PIK3R3: variants seen among roughly 807,000 people sequenced by gnomAD.
PIK3R3 encodes phosphoinositide-3-kinase regulatory subunit 3.
PIK3R3 carries 64 observed loss-of-function variants against 62.9 expected under a neutral mutation model. That is an observed-to-expected ratio of 1.02 (90% CI 0.83 to 1.25). The LOEUF (loss-of-function observed/expected upper bound fraction) is 1.25, where lower values mean the gene tolerates loss of function less well. Among genes scored for constraint, PIK3R3 ranks in the 50% most tolerant of loss-of-function variants. The pLI, the probability that PIK3R3 is intolerant of heterozygous loss-of-function variation, is 0.00. For synonymous variants in PIK3R3, 165 were observed against 189.0 expected (o/e 0.87, Z 1.04); for missense variants, 614 against 561.6 (o/e 1.09, Z -0.94).
intron 1 of PIK3R3, among the ~76,000 whole-genome samples, chr1:46,086,629 G>A (rs765740102): frequency 1.3e-5 from 2 of 152,182 alleles, no homozygotes; most frequent in Non-Finnish European, 2.9e-5. Flanking sequence ...GACCCCGGGA[G>A]GCAGAGGTTA....
intron 1 of PIK3R3, among the ~76,000 whole-genome samples, chr1:46,104,666 C>T (rs1475715676): frequency 6.6e-6 from 1 of 152,106 alleles, no homozygotes; most frequent in Non-Finnish European, 1.5e-5. Flanking sequence ...CAGTGGCGCA[C>T]ACCTGTAATC....
intron 3 of PIK3R3, among the ~76,000 whole-genome samples, chr1:46,077,043 A>C (rs1284039368): frequency 6.6e-6 from 1 of 152,198 alleles, no homozygotes; most frequent in African/African-American, 2.4e-5. Context: ...TCATATATCC[A>C]TCACTTAAAA....
chr1:46,066,954 T>C lies in PIK3R3; in HGVS notation c.452A>G (p.Lys151Arg), dbSNP rs769590870. 15 of 1,613,654 alleles carry C rather than the reference T, an allele frequency of 9.3e-6. No homozygotes were observed. The highest frequency in any genetic ancestry group is 5.3e-5 in the African/African-American group (4 of 74,866). ...TGGGTACATCAGCTTCACATCAAGTTTGGGATTGTACTGAGCAAGAGATTC... is the reference window on the plus strand; with the variant it reads ...TGGGTACATCAGCTTCACATCAAGTCTGGGATTGTACTGAGCAAGAGATTC... The part of the protein sequence containing the change: ...HHESLAQYNP[K>R]LDVKLMYPVS... The change falls in exon 4 of 10, where the codon AAA becomes AGA. Residue 151 changes from lysine to arginine, a missense_variant. By Grantham distance (26) the Lys-to-Arg change is conservative (BLOSUM62 2). Transcript: ENST00000262741.
chr1:46,090,821 T>G (rs1182581359), intron 1 of PIK3R3, among the ~76,000 whole-genome samples: 3 of 152,186 alleles, frequency 2.0e-5, no homozygotes, highest in Non-Finnish European at 4.4e-5. Flanking sequence ...AAATTCTGCA[T>G]TTGGTATGTC....
Position 46,060,208 on chromosome 1 carries a change from C to A in PIK3R3, c.764+1721G>T, listed in dbSNP as rs1416447243. ...ATCGTTAATAATAATTATAATTAGG[C>A]CAGGCGCAGTAGCTCAAGCCTGTAA... On this transcript the variant is annotated intron_variant, in intron 6 of 9. Transcript: ENST00000262741. 3.3e-5 allele frequency among the ~76,000 whole-genome samples: 5 copies of A among 152,052 alleles called. No homozygotes were observed. The South Asian group carries it at 8.3e-4, about 25-fold the overall frequency.
intron 1 of PIK3R3, among the ~76,000 whole-genome samples, chr1:46,119,855 G>A (rs552823675): frequency 6.0e-4 from 90 of 149,390 alleles, no homozygotes; most frequent in African/African-American, 2.0e-3. Flanking sequence ...ACAGCTCAGC[G>A]CAGCCTCGAC....
upstream of PIK3R3, among the ~76,000 whole-genome samples, chr1:46,133,193 A>C (rs1655777870): frequency 1.3e-5 from 2 of 152,242 alleles, no homozygotes; most frequent in African/African-American, 4.8e-5. Context: ...CAAAGGCAGA[A>C]GGGGAAAAGA....
At chr1:46,091,053 C>T (rs1651582413) in intron 1 of PIK3R3, among the ~76,000 whole-genome samples, 2 of 151,906 alleles carry the variant, frequency 1.3e-5, no homozygotes, top group African/African-American at 4.8e-5. Flanking sequence ...TGGTCTCAAA[C>T]TCCTGGGTTC....
chr1:46,081,454 C>T (rs1385411486), intron 1 of PIK3R3, among the ~76,000 whole-genome samples: 1 of 152,148 alleles, frequency 6.6e-6, no homozygotes, highest in Non-Finnish European at 1.5e-5. Flanking sequence ...GCCTGAGCTT[C>T]GGCATTAGAT....
At chr1:46,062,931 G>A (rs1768815) in intron 5 of PIK3R3, among the ~76,000 whole-genome samples, 101,798 of 151,402 alleles carry the variant, frequency 0.67, 34,437 homozygotes, top group Non-Finnish European at 0.71. Flanking sequence ...AGACTTTAGG[G>A]GGGCACCACA....
chr1:46,123,303 G>A (rs1041311981), intron 1 of PIK3R3, among the ~76,000 whole-genome samples: 1 of 152,204 alleles, frequency 6.6e-6, no homozygotes, highest in East Asian at 1.9e-4. Context: ...TTTAAAGATG[G>A]AGGTGAGACG....
chr1:46,149,658 G>A, the PIK3R3 span, among the ~76,000 whole-genome samples: 1 of 151,942 alleles, frequency 6.6e-6, no homozygotes, highest in African/African-American at 2.4e-5. Context: ...AGCCTCCCAA[G>A]TAACTGGGAC....
chr1:46,099,378 A>C (rs1397338365), intron 1 of PIK3R3, among the ~76,000 whole-genome samples: 1 of 152,122 alleles, frequency 6.6e-6, no homozygotes, highest in African/African-American at 2.4e-5. Context: ...TCCTTTTTAG[A>C]TTCCTTGGAA....
At chr1:46,050,552 C>T (rs139883707) in intron 7 of PIK3R3, among the ~76,000 whole-genome samples, 1,951 of 151,888 alleles carry the variant, frequency 0.013, 31 homozygotes, top group Non-Finnish European at 0.021. Context: ...GCAACAAGAG[C>T]GAAAATCTGT....
rs577930483 is a variant in PIK3R3 at position 46,123,277 on chromosome 1, G to A, written c.106+8570C>T. Among the ~76,000 whole-genome samples the A allele has an allele frequency of 2.6e-5, 4 of 152,246 alleles. No homozygotes were observed. In the East Asian group the frequency reaches 7.7e-4, roughly 29 times the overall value. ...GAAAGTTTTAAGAAGGAAAGGGGAC[G>A]CAGACAGGCTCTTGATTTAAAGATG... On this transcript the variant is annotated intron_variant, in intron 1 of 9. Transcript: ENST00000262741.
At chr1:46,075,748 G>A (rs1377361766) in intron 3 of PIK3R3, among the ~76,000 whole-genome samples, 1 of 152,182 alleles carries the variant, frequency 6.6e-6, no homozygotes, top group East Asian at 1.9e-4. Flanking sequence ...TTTATCAGGG[G>A]AATTGGCTCA....
At chr1:46,098,651 G>C (rs1196525307) in intron 1 of PIK3R3, among the ~76,000 whole-genome samples, 1 of 152,172 alleles carries the variant, frequency 6.6e-6, no homozygotes, top group African/African-American at 2.4e-5. Flanking sequence ...AACTTATAGA[G>C]ACAGAAAGTA....
At chr1:46,113,264 C>G (rs1052479032) in intron 1 of PIK3R3, among the ~76,000 whole-genome samples, 2 of 151,520 alleles carry the variant, frequency 1.3e-5, no homozygotes, top group African/African-American at 4.9e-5. Context: ...ACCTAGTGGT[C>G]CAGATTCATC....
At position 46,085,293 on chromosome 1, in the gene PIK3R3, T is replaced by C. The variant is rs538996082; in HGVS notation, c.107-4543A>G. Among the ~76,000 whole-genome samples, 8 of 152,364 alleles carry C rather than the reference T, an allele frequency of 5.3e-5. No individual in the cohort carries two copies. In the East Asian group the frequency reaches 1.5e-3, roughly 29 times the overall value. ...CACACATACATAGGCAAATATGTAT[T>C]GAACACCTCCCATGTTCCAGAAGCT... On this transcript the variant is annotated intron_variant, in intron 1 of 9. Transcript: ENST00000262741.
Sources: allele counts gnomAD v4.1 joint callset (sites outside exome capture counted in the v4.1 genomes callset), GRCh38; gene constraint gnomAD v4.1.1; transcripts MANE v1.5; gene names NCBI Gene and HGNC (gene_info 2026-07-23, HGNC 2026-07-21).